Variants in SMG1 observed in about 807,000 individuals in gnomAD.
SMG1 encodes the protein SMG1 nonsense mediated mRNA decay associated PI3K related kinase.
In SMG1, 22 loss-of-function variants were observed where a neutral mutation model predicts 419.9. That is an observed-to-expected ratio of 0.05 (90% CI 0.04 to 0.07). SMG1 has a LOEUF of 0.07. SMG1 is among the 10% of genes least tolerant of loss of function. SMG1 has a pLI of 1.00. For synonymous variants in SMG1, 1,538 were observed against 1,553.5 expected (o/e 0.99, Z 0.23); for missense variants, 3,185 against 4,342.0 (o/e 0.73, Z 7.49).
chr16:18,867,628 A>G (rs1428295006), intron 22 of SMG1, among the ~76,000 whole-genome samples: 1 of 151,706 alleles, frequency 6.6e-6, no homozygotes, highest in East Asian at 1.9e-4. Flanking sequence ...GCACGTAAGA[A>G]ATATAGTTTT....
At chr16:18,818,141 G>C (rs2032184032) in intron 56 of SMG1, among the ~76,000 whole-genome samples, 1 of 152,098 alleles carries the variant, frequency 6.6e-6, no homozygotes, top group South Asian at 2.1e-4. Flanking sequence ...CCAGCACTTT[G>C]GGAGGCTGAG....
At chr16:18,907,845 C>CAAAAAAAAAA (rs71141092) in intron 1 of SMG1, among the ~76,000 whole-genome samples, 7 of 54,972 alleles carry the variant, frequency 1.3e-4, no homozygotes, top group Non-Finnish European at 1.3e-4. Flanking sequence ...GAACGAGACT[C>CAAAAAAAAAA]AAAAAAAAAA....
chr16:18,866,594 T>C (rs770570237), intron 23 of SMG1, 27 bp downstream of exon 23: 9 of 1,567,614 alleles, frequency 5.7e-6, no homozygotes, highest in Admixed American at 1.7e-5. Flanking sequence ...AGTAATTCTA[T>C]CACCCATTTC....
At chr16:18,877,870 A>G (rs953161554) in intron 11 of SMG1, 216 of 152,284 alleles carry the variant, frequency 1.4e-3, no homozygotes, top group African/African-American at 4.7e-3. Flanking sequence ...CATTAGTAAA[A>G]AGAGGTGTAA....
chr16:18,811,605 C>T (rs564374381), intron 62 of SMG1, among the ~76,000 whole-genome samples, 156 bp downstream of exon 62: 21 of 152,262 alleles, frequency 1.4e-4, no homozygotes, highest in African/African-American at 4.8e-4. Flanking sequence ...GACTACTTGA[C>T]GACGCCAGAG....
Position 18,876,099 on chromosome 16 carries a change from A to G in SMG1, c.1890+25T>C, listed in dbSNP as rs28568808. The G allele has an allele frequency of 3.2e-3, 5,084 of 1,610,142 alleles. 102 individuals carry two copies. The African/African-American group carries it at 0.046, about 15-fold the overall frequency. On this transcript the variant is annotated intron_variant, in intron 13 of 62. Transcript: ENST00000446231. ...GAAAAGGCTTAACTGTGGATAAAAC[A>G]AAGTCATTACAATTAAAGACTCACC...
intron 1 of SMG1, among the ~76,000 whole-genome samples, chr16:18,907,425 A>G (rs1340021524): frequency 6.6e-6 from 1 of 152,104 alleles, no homozygotes; most frequent in Non-Finnish European, 1.5e-5. Context: ...GTGTTATTAC[A>G]GCTCACTGCA....
chr16:18,848,146 T>A, intron 36 of SMG1, 113 bp from the exon 37 acceptor site: 1 of 878,260 alleles, frequency 1.1e-6, no homozygotes, highest in Non-Finnish European at 1.8e-6. Context: ...ATTGAACTCA[T>A]TTGCCTTCCA....
chr16:18,863,930 C>A, intron 24 of SMG1, 72 bp downstream of exon 24: 1 of 1,568,998 alleles, frequency 6.4e-7, no homozygotes, highest in Non-Finnish European at 8.7e-7. Flanking sequence ...AACCTAAAAA[C>A]ATAAAATAAG....
At chr16:18,869,354 A>C in intron 19 of SMG1, 51 bp from the exon 20 acceptor site, 1 of 1,450,066 alleles carries the variant, frequency 6.9e-7, no homozygotes, top group Admixed American at 2.2e-5. Context: ...TCATTTTAAT[A>C]ATGAAAAAAA....
At chr16:18,890,363 C>G (rs1273935419) in intron 5 of SMG1, among the ~76,000 whole-genome samples, 2 of 152,176 alleles carry the variant, frequency 1.3e-5, no homozygotes, top group African/African-American at 2.4e-5. Context: ...TCCAGCCAGG[C>G]ACAGTGGCTC....
chr16:18,819,717 T>G, intron 55 of SMG1, 63 bp from the exon 56 acceptor site: 1 of 1,414,326 alleles, frequency 7.1e-7, no homozygotes, highest in East Asian at 2.5e-5. Context: ...ATTTGTGGAG[T>G]ATTTTATATA....
At chr16:18,848,446 G>A (rs1285687708) in intron 36 of SMG1, among the ~76,000 whole-genome samples, 1 of 151,698 alleles carries the variant, frequency 6.6e-6, no homozygotes, top group Non-Finnish European at 1.5e-5. Context: ...CTCCTGAATA[G>A]CTGGGACTAC....
At chr16:18,857,565 T>C (rs1340989255) in intron 29 of SMG1, 1 of 152,206 alleles carries the variant, frequency 6.6e-6, no homozygotes, top group Non-Finnish European at 1.5e-5. Flanking sequence ...TAATAATCAC[T>C]ACATATGCAC....
At chr16:18,872,460 T>C in intron 14 of SMG1, 34 bp downstream of exon 14, 1 of 1,524,546 alleles carries the variant, frequency 6.6e-7, no homozygotes, top group Admixed American at 2.3e-5. Context: ...AAATGTTTTG[T>C]GGGGTTCTTA....
At position 18,875,922 on chromosome 16, in the gene SMG1, A is replaced by G. The variant is rs1475960932; in HGVS notation, c.1890+202T>C. 3.6e-4 allele frequency: 211 copies of G among 578,512 alleles called. 3 individuals carry two copies. The East Asian group carries it at 6.0e-3, about 17-fold the overall frequency. 35.8% of individuals were successfully genotyped at this position (578,512 alleles called of 1,614,324 possible). On this transcript the variant is annotated intron_variant, in intron 13 of 62. Transcript: ENST00000446231. ...TAAAAAAACTTATCAAGATTTGTCA[A>G]GGAAAAAGAAGAAGAAAAGTTAAAT...
Position 18,811,846 on chromosome 16 carries a change from T to C in SMG1, c.10823A>G (p.Tyr3608Cys), listed in dbSNP as rs764452447. 4.3e-6 allele frequency: 7 copies of C among 1,613,834 alleles called. No individual in the cohort carries two copies. The highest frequency in any genetic ancestry group is 4.0e-5 in the African/African-American group (3 of 74,928). Residue 3608 changes from tyrosine (Y) to cysteine (C), a missense_variant, in exon 62 of 63, where the codon TAT (tyrosine) becomes TGT (cysteine). Tyr to Cys is a radical substitution (Grantham distance 194). Transcript: ENST00000446231. The stretch of plus-strand genomic sequence containing the variant: ...CACTCTCTTCCACACACTCACTGCA[T>C]AGGAGTTTCTCTCTTGCACCGCTAT... ...TGKAVQERNSYAVSVWKRVKA... is the reference protein window; with the variant it reads ...TGKAVQERNSCAVSVWKRVKA...
intron 3 of SMG1, among the ~76,000 whole-genome samples, chr16:18,893,754 T>G (rs1215212445): frequency 1.3e-5 from 2 of 149,938 alleles, no homozygotes; most frequent in Non-Finnish European, 3.0e-5. Context: ...TGAGAAAACA[T>G]TGGTAAAAAA....
At chr16:18,836,322 T>A in intron 47 of SMG1, 38 bp downstream of exon 47, 2 of 1,602,604 alleles carry the variant, frequency 1.2e-6, no homozygotes, top group East Asian at 2.2e-5. Flanking sequence ...ATAAAACTCA[T>A]AGTTTCACAT....
Sources: gnomAD v4.1 joint callset for allele counts (sites outside exome capture counted in the v4.1 genomes callset) on GRCh38, gnomAD v4.1.1 for gene constraint, MANE v1.5 for transcripts, NCBI Gene and HGNC (gene_info 2026-07-23, HGNC 2026-07-21) for gene names.